The following DMXL1 variants were observed in gnomAD, a reference collection of about 807,000 sequenced individuals.
The protein encoded by DMXL1 is dmX-like protein 1.
Under a neutral mutation model 319.2 loss-of-function variants are expected in DMXL1, and 99 were observed. The ratio of observed to expected loss-of-function variants is 0.31; its 90% CI spans 0.26 to 0.37. DMXL1 has a LOEUF of 0.37. Among genes scored for constraint, DMXL1 ranks in the 10% least tolerant of loss-of-function variants. DMXL1 has a pLI of 1.00. For missense variants in DMXL1, 3,745 were observed against 3,595.6 expected, an observed-to-expected ratio of 1.04 and a Z score of -1.06; for synonymous variants, 1,385 against 1,235.2, an observed-to-expected ratio of 1.12 and a Z score of -2.54.
At chr5:119,175,411 T>A (rs1200856395) in intron 26 of DMXL1, 74 bp downstream of exon 26, 1 of 1,091,738 alleles carries the variant, frequency 9.2e-7, no homozygotes, top group African/African-American at 1.6e-5. Flanking sequence ...TGTTAGTGGT[T>A]TAGAACTATA....
intron 13 of DMXL1, among the ~76,000 whole-genome samples, chr5:119,140,639 A>G (rs1423265460): frequency 6.6e-6 from 1 of 152,062 alleles, no homozygotes; most frequent in African/African-American, 2.4e-5. Flanking sequence ...CGAAAAACCC[A>G]GGATCTGAGG....
At chr5:119,196,264 A>G (rs1176581764) in intron 30 of DMXL1, 107 bp from the exon 31 acceptor site, 1 of 806,996 alleles carries the variant, frequency 1.2e-6, no homozygotes, top group Non-Finnish European at 2.2e-6. Flanking sequence ...ATAGAGGGGT[A>G]TGTTCAGGTT....
At chr5:119,166,285 G>A (rs892488867) in intron 21 of DMXL1, among the ~76,000 whole-genome samples, 2 of 152,110 alleles carry the variant, frequency 1.3e-5, no homozygotes, top group Non-Finnish European at 2.9e-5. Flanking sequence ...TTCTCAGATG[G>A]CAGGGGTGAA....
intron 13 of DMXL1, among the ~76,000 whole-genome samples, chr5:119,137,646 G>T (rs1297431970): frequency 6.6e-6 from 1 of 152,172 alleles, no homozygotes; most frequent in African/African-American, 2.4e-5. Context: ...GTTCTCACAA[G>T]ATCTGATGGT....
At chr5:119,176,737 T>G (rs1295693194) in intron 26 of DMXL1, among the ~76,000 whole-genome samples, 1 of 152,126 alleles carries the variant, frequency 6.6e-6, no homozygotes, top group Non-Finnish European at 1.5e-5. Context: ...CTGTCAGAAT[T>G]ATTTCATAGT....
chr5:119,148,612 C>G, intron 17 of DMXL1, 127 bp from the exon 18 acceptor site: 1 of 888,684 alleles, frequency 1.1e-6, no homozygotes, highest in Non-Finnish European at 1.7e-6. Flanking sequence ...AAACATACAG[C>G]CAAGATGCCC....
chr5:119,131,995 A>T (rs1765006133), intron 10 of DMXL1, among the ~76,000 whole-genome samples: 1 of 152,246 alleles, frequency 6.6e-6, no homozygotes, highest in African/African-American at 2.4e-5. Context: ...CTTCTTCAAA[A>T]TAAAAAGAGT....
chr5:119,179,978 A>T lies in DMXL1; in HGVS notation c.7135+1734A>T, dbSNP rs1170481450. Among the ~76,000 whole-genome samples, 3 of 152,208 alleles carry T rather than the reference A, an allele frequency of 2.0e-5. No homozygotes were observed. The East Asian group carries it at 5.8e-4, about 29-fold the overall frequency. Reference sequence around the variant, plus strand: ...GGAGTCCATTTGGTATCTCACAACTATTTAGTTCTGCCCTTGTAGCACAAA... The same window carrying T: ...GGAGTCCATTTGGTATCTCACAACTTTTTAGTTCTGCCCTTGTAGCACAAA... On this transcript the variant is annotated intron_variant, in intron 28 of 43. Transcript: ENST00000539542.
At chr5:119,125,617 T>G (rs959138866) in intron 9 of DMXL1, among the ~76,000 whole-genome samples, 1 of 152,160 alleles carries the variant, frequency 6.6e-6, no homozygotes, top group Non-Finnish European at 1.5e-5. Context: ...CAGGCTGAAG[T>G]GCAATGGTGT....
Position 119,146,835 on chromosome 5 carries a change from A to G in DMXL1, c.2570-2A>G. ...AGTGAAAAATATCATTAATACCAAC[A>G]GGCAGCTCACCTAATGGATTTTCTG... On this transcript the variant is annotated splice_acceptor_variant, in intron 15 of 43. Transcript: ENST00000539542. LOFTEE classifies it high-confidence loss of function. 6.2e-7 allele frequency: 1 copy of G among 1,608,908 alleles called. No homozygotes were observed. Among genetic ancestry groups the G allele is most frequent in the South Asian group, 1.1e-5 (1 of 90,380 alleles).
chr5:119,139,303 G>A (rs1766743496), intron 13 of DMXL1, among the ~76,000 whole-genome samples: 2 of 152,066 alleles, frequency 1.3e-5, no homozygotes, highest in South Asian at 4.1e-4. Context: ...ATGTAAACAG[G>A]CTTAATGCCC....
chr5:119,140,582 A>G (rs1484430692), intron 13 of DMXL1, among the ~76,000 whole-genome samples: 1 of 152,108 alleles, frequency 6.6e-6, no homozygotes, highest in African/African-American at 2.4e-5. Flanking sequence ...CCCTAAACAG[A>G]CTAATACGAG....
At chr5:119,099,187 TTTTTTGTTTG>T (rs1309125405) in intron 2 of DMXL1, among the ~76,000 whole-genome samples, 3 of 78,674 alleles carry the variant, frequency 3.8e-5, no homozygotes, top group Non-Finnish European at 5.0e-5. Flanking sequence ...TTTTTTTTTG[TTTTTTGTTTG>T]TTTTTGTTTG....
chr5:119,130,094 T>C (rs1398656561), intron 10 of DMXL1, among the ~76,000 whole-genome samples: 1 of 152,198 alleles, frequency 6.6e-6, no homozygotes, highest in African/African-American at 2.4e-5. Context: ...TGTTTGGTTT[T>C]TTTTTTTAAA....
chr5:119,163,866 C>G (rs1042881582), intron 19 of DMXL1, among the ~76,000 whole-genome samples: 2 of 152,016 alleles, frequency 1.3e-5, no homozygotes, highest in Non-Finnish European at 2.9e-5. Context: ...TGAGCCAGCG[C>G]GCCCGGCCTA....
intron 1 of DMXL1, among the ~76,000 whole-genome samples, chr5:119,076,935 T>C (rs1193937355): frequency 6.6e-6 from 1 of 152,262 alleles, no homozygotes. Flanking sequence ...ATGTGCCTAA[T>C]AGAAGGATTT....
intron 1 of DMXL1, among the ~76,000 whole-genome samples, chr5:119,084,354 A>C (rs1200115343): frequency 6.6e-6 from 1 of 152,066 alleles, no homozygotes; most frequent in Non-Finnish European, 1.5e-5. Flanking sequence ...TCCTGACCTC[A>C]AGTGATTCAC....
chr5:119,236,454 T>G (rs1581483571), intron 39 of DMXL1: 1 of 152,028 alleles, frequency 6.6e-6, no homozygotes, highest in East Asian at 1.9e-4. Context: ...GGGGAAAGTT[T>G]TAAATTGTAA....
At chr5:119,130,509 A>AT (rs1198380410) in intron 10 of DMXL1, among the ~76,000 whole-genome samples, 11 of 151,908 alleles carry the variant, frequency 7.2e-5, no homozygotes, top group Non-Finnish European at 1.5e-4. Flanking sequence ...CACCTGGCTA[A>AT]TTTTTTTATT....
Sources: allele counts gnomAD v4.1 joint callset (sites outside exome capture counted in the v4.1 genomes callset), GRCh38; gene constraint gnomAD v4.1.1; transcripts MANE v1.5; gene names NCBI Gene and HGNC (gene_info 2026-07-23, HGNC 2026-07-21).